The following SCOC variants were observed in gnomAD, a reference collection of about 807,000 sequenced individuals.
SCOC encodes the protein short coiled-coil protein.
A neutral mutation model predicts 9.9 loss-of-function variants in SCOC; 7 were observed. The observed-to-expected ratio is 0.71, with a 90% CI of 0.40 to 1.33. The LOEUF is 1.33. Among genes scored for constraint, SCOC ranks in the 40% most tolerant of loss-of-function variants. The pLI is 0.01. For missense variants in SCOC, 66 were observed against 89.7 expected (o/e 0.74, Z 1.07); for synonymous variants, 19 against 28.2 (o/e 0.67, Z 1.03).
intron 2 of SCOC, among the ~76,000 whole-genome samples, chr4:140,352,340 A>G (rs1685497247): frequency 6.6e-6 from 1 of 152,220 alleles, no homozygotes; most frequent in Non-Finnish European, 1.5e-5. Flanking sequence ...GATCCATATA[A>G]GTATGGATAA....
At chr4:140,355,919 TA>T (rs1261624173) in intron 2 of SCOC, among the ~76,000 whole-genome samples, 1 of 152,224 alleles carries the variant, frequency 6.6e-6, no homozygotes, top group Admixed American at 6.5e-5. Context: ...ATGAGATTAA[TA>T]CTAGAGTTTT....
At chr4:140,285,991 C>G (rs190527506) in intron 1 of SCOC, among the ~76,000 whole-genome samples, 3 of 152,140 alleles carry the variant, frequency 2.0e-5, no homozygotes, top group Admixed American at 2.0e-4. Context: ...TTGAGACCAG[C>G]CTGGCCAACA....
chr4:140,308,338 C>T (rs1692367050), intron 1 of SCOC, among the ~76,000 whole-genome samples: 1 of 152,158 alleles, frequency 6.6e-6, no homozygotes, highest in South Asian at 2.1e-4. Flanking sequence ...TTTCTAGGAC[C>T]TTCAAATGCC....
chr4:140,274,722 C>A (rs1730937423), intron 1 of SCOC, among the ~76,000 whole-genome samples: 1 of 152,210 alleles, frequency 6.6e-6, no homozygotes, highest in Non-Finnish European at 1.5e-5. Flanking sequence ...ATCACTTTTT[C>A]TAGATTCAGC....
intron 1 of SCOC, among the ~76,000 whole-genome samples, chr4:140,311,374 G>C (rs1049719258): frequency 6.6e-6 from 1 of 152,138 alleles, no homozygotes; most frequent in African/African-American, 2.4e-5. Context: ...AATACCCCTA[G>C]GGAGGGAGTA....
At chr4:140,341,514 C>T (rs1726510236), upstream of SCOC, among the ~76,000 whole-genome samples, 1 of 152,188 alleles carries the variant, frequency 6.6e-6, no homozygotes, top group South Asian at 2.1e-4. Flanking sequence ...ACCTGTAGGA[C>T]TGTTGCCTAG....
At chr4:140,257,441 C>G (rs558375105) in intron 1 of SCOC, 1 of 152,126 alleles carries the variant, frequency 6.6e-6, no homozygotes, top group East Asian at 1.9e-4. Flanking sequence ...TAGCTGGGCA[C>G]AGGCTTTGTT....
intron 1 of SCOC, among the ~76,000 whole-genome samples, chr4:140,265,166 T>C (rs1403792978): frequency 2.6e-5 from 4 of 152,224 alleles, no homozygotes; most frequent in African/African-American, 9.6e-5. Flanking sequence ...AAAAGGCCAT[T>C]ATAAAACAGT....
At chr4:140,378,300 A>G (rs1728428059) in intron 1 of SCOC, among the ~76,000 whole-genome samples, 1 of 152,116 alleles carries the variant, frequency 6.6e-6, no homozygotes. Context: ...ATTTGAAACA[A>G]TTTTATCTTC....
At chr4:140,269,671 A>T (rs1730799837) in intron 1 of SCOC, among the ~76,000 whole-genome samples, 1 of 152,224 alleles carries the variant, frequency 6.6e-6, no homozygotes, top group African/African-American at 2.4e-5. Flanking sequence ...GCCACTAAGC[A>T]TTGGGGTGAT....
chr4:140,300,668 C>T (rs574026734), intron 1 of SCOC, among the ~76,000 whole-genome samples: 10 of 152,322 alleles, frequency 6.6e-5, no homozygotes, highest in Non-Finnish European at 1.3e-4. Context: ...TTGTTCAAGC[C>T]AAGCCCAGGC....
intron 1 of SCOC, chr4:140,293,330 C>T (rs549000197): frequency 2.4e-5 from 11 of 456,798 alleles, no homozygotes; most frequent in East Asian, 2.1e-4. Context: ...ATCTTTACTG[C>T]CTGTTTCCTC....
intron 2 of SCOC, among the ~76,000 whole-genome samples, chr4:140,347,585 T>G (rs1726792141): frequency 1.3e-5 from 2 of 152,274 alleles, no homozygotes; most frequent in South Asian, 2.1e-4. Context: ...CTGTTCTCTC[T>G]CTGGACACAC....
upstream of SCOC, among the ~76,000 whole-genome samples, chr4:140,371,370 T>C (rs189515366): frequency 2.4e-3 from 370 of 152,364 alleles, 3 homozygotes; most frequent in African/African-American, 8.3e-3. Context: ...CATACGCTTT[T>C]CTTCTAAAAG....
chr4:140,315,328 C>T (rs567507018), intron 1 of SCOC, among the ~76,000 whole-genome samples: 3 of 152,276 alleles, frequency 2.0e-5, no homozygotes, highest in African/African-American at 7.2e-5. Context: ...TCTTTAGGCT[C>T]TGCACTGAAT....
intron 2 of SCOC, among the ~76,000 whole-genome samples, chr4:140,361,669 A>G (rs1446381285): frequency 2.0e-5 from 3 of 152,096 alleles, no homozygotes; most frequent in African/African-American, 7.2e-5. Flanking sequence ...TAAATAAATA[A>G]AATAATGTAT....
chr4:140,299,645 T>A (rs1731756212), intron 1 of SCOC, among the ~76,000 whole-genome samples: 1 of 152,252 alleles, frequency 6.6e-6, no homozygotes, highest in Admixed American at 6.5e-5. Flanking sequence ...AAAGCATTTG[T>A]ACACCCCTCC....
chr4:140,332,149 C>T (rs921644970), intron 1 of SCOC, among the ~76,000 whole-genome samples: 8 of 152,086 alleles, frequency 5.3e-5, no homozygotes, highest in African/African-American at 1.7e-4. Flanking sequence ...TGCTACCAGG[C>T]CCCACCTCCA....
intron 1 of SCOC, among the ~76,000 whole-genome samples, chr4:140,294,149 C>T (rs1240012439): frequency 6.6e-6 from 1 of 152,180 alleles, no homozygotes; most frequent in Non-Finnish European, 1.5e-5. Context: ...CTGAGAGTGG[C>T]AGCCTCAGGG....
Sources: allele counts gnomAD v4.1 joint callset (sites outside exome capture counted in the v4.1 genomes callset), GRCh38; gene constraint gnomAD v4.1.1; transcripts MANE v1.5; gene names NCBI Gene and HGNC (gene_info 2026-07-23, HGNC 2026-07-21).